DGKB: variants seen among roughly 807,000 people sequenced by gnomAD.
The protein encoded by DGKB is diacylglycerol kinase beta.
In DGKB, 67 loss-of-function variants were observed where a neutral mutation model predicts 114.3. That is an observed-to-expected ratio of 0.59 (90% CI 0.48 to 0.72). The LOEUF is 0.72. Among genes scored for constraint, DGKB ranks in the 30% least tolerant of loss-of-function variants. The pLI is 0.00. For synonymous variants in DGKB, 398 were observed against 323.1 expected (o/e 1.23, Z -2.49); for missense variants, 907 against 975.2 (o/e 0.93, Z 0.93).
chr7:14,915,393 G>A (rs1784195391), intron 1 of DGKB, among the ~76,000 whole-genome samples: 1 of 151,942 alleles, frequency 6.6e-6, no homozygotes, highest in Non-Finnish European at 1.5e-5. Context: ...CATAAGAAAA[G>A]GAAGAAAGAA....
intron 23 of DGKB, among the ~76,000 whole-genome samples, chr7:14,322,636 C>G (rs1290288874): frequency 6.6e-6 from 1 of 152,076 alleles, no homozygotes; most frequent in Non-Finnish European, 1.5e-5. Context: ...TTAAGACATT[C>G]TGATGTTTAA....
chr7:14,444,354 C>G (rs1830458933), intron 21 of DGKB, among the ~76,000 whole-genome samples: 1 of 151,356 alleles, frequency 6.6e-6, no homozygotes, highest in African/African-American at 2.4e-5. Flanking sequence ...GAGTTTTTTT[C>G]TTAGTAAATT....
chr7:14,777,167 C>T (rs1187259072), intron 2 of DGKB, among the ~76,000 whole-genome samples: 1 of 151,936 alleles, frequency 6.6e-6, no homozygotes. Context: ...ATGCCTGTAC[C>T]CCCGTTGTAT....
chr7:14,460,749 G>C (rs373142888), intron 21 of DGKB, among the ~76,000 whole-genome samples: 15 of 152,262 alleles, frequency 9.9e-5, no homozygotes, highest in African/African-American at 3.4e-4. Flanking sequence ...TCCAGACCAA[G>C]TGGACCTAAT....
At chr7:14,637,893 A>C (rs1811047096) in intron 13 of DGKB, among the ~76,000 whole-genome samples, 2 of 152,008 alleles carry the variant, frequency 1.3e-5, no homozygotes, top group South Asian at 4.1e-4. Context: ...AACTAAGAGT[A>C]ATTACTACCA....
At chr7:14,746,182 TAA>T (rs1225685689) in intron 4 of DGKB, among the ~76,000 whole-genome samples, 1 of 151,920 alleles carries the variant, frequency 6.6e-6, no homozygotes, top group Non-Finnish European at 1.5e-5. Flanking sequence ...CTACTAAAAA[TAA>T]AAAAATTAGC....
At chr7:14,815,792 G>A (rs1464903890) in intron 2 of DGKB, among the ~76,000 whole-genome samples, 1 of 152,152 alleles carries the variant, frequency 6.6e-6, no homozygotes, top group Non-Finnish European at 1.5e-5. Context: ...GAGGTCATGA[G>A]GAGGTCACAG....
At chr7:14,962,618 CTG>C (rs369017205) in intron 1 of DGKB, among the ~76,000 whole-genome samples, 57 of 140,484 alleles carry the variant, frequency 4.1e-4, no homozygotes, top group Middle Eastern at 3.5e-3. Flanking sequence ...ATAGCTATAG[CTG>C]TGTGTGTGTG....
chr7:14,653,540 G>A (rs1815085271), intron 13 of DGKB, among the ~76,000 whole-genome samples: 1 of 151,940 alleles, frequency 6.6e-6, no homozygotes. Flanking sequence ...AGCATCGGGA[G>A]ATATACCTAA....
chr7:14,889,922 G>A (rs769903792), intron 1 of DGKB, among the ~76,000 whole-genome samples: 5 of 151,446 alleles, frequency 3.3e-5, no homozygotes, highest in Non-Finnish European at 7.4e-5. Context: ...ATTGGCCTGG[G>A]ATAAATATAA....
intron 23 of DGKB, among the ~76,000 whole-genome samples, chr7:14,251,553 A>G (rs2128391499): frequency 6.6e-6 from 1 of 152,308 alleles, no homozygotes; most frequent in East Asian, 1.9e-4. Context: ...CTACAGTATT[A>G]GAGTCTGCTG....
chr7:14,295,843 T>G (rs1802451598), intron 23 of DGKB, among the ~76,000 whole-genome samples: 1 of 152,102 alleles, frequency 6.6e-6, no homozygotes, highest in Non-Finnish European at 1.5e-5. Flanking sequence ...CTTCTGATGC[T>G]ATCCCTACCC....
intron 20 of DGKB, among the ~76,000 whole-genome samples, chr7:14,510,788 C>T (rs1335285972): frequency 6.6e-6 from 1 of 152,148 alleles, no homozygotes; most frequent in Admixed American, 6.6e-5. Context: ...AAAATTACTC[C>T]TTGATCCATG....
intron 13 of DGKB, among the ~76,000 whole-genome samples, chr7:14,651,082 G>C (rs1381436676): frequency 6.6e-6 from 1 of 152,126 alleles, no homozygotes; most frequent in East Asian, 1.9e-4. Flanking sequence ...GGAGGAGCTG[G>C]TACCATTCCT....
chr7:14,168,006 T>C (rs1458163594), intron 25 of DGKB, among the ~76,000 whole-genome samples: 1 of 152,042 alleles, frequency 6.6e-6, no homozygotes, highest in African/African-American at 2.4e-5. Flanking sequence ...GATACAATTG[T>C]TGGAATTAAC....
At chr7:14,377,542 T>A (rs4721331) in intron 21 of DGKB, among the ~76,000 whole-genome samples, 88,370 of 152,022 alleles carry the variant, frequency 0.58, 26,108 homozygotes, top group East Asian at 0.65. Flanking sequence ...ATCATTCTTA[T>A]CTTCTAGGAC....
intron 20 of DGKB, among the ~76,000 whole-genome samples, chr7:14,488,393 C>G (rs759322269): frequency 5.9e-5 from 9 of 152,108 alleles, no homozygotes; most frequent in Non-Finnish European, 1.2e-4. Flanking sequence ...TATACACTTA[C>G]TATAACCACA....
chr7:14,228,402 T>A (rs752915077), intron 23 of DGKB, among the ~76,000 whole-genome samples: 5 of 152,052 alleles, frequency 3.3e-5, no homozygotes, highest in Non-Finnish European at 5.9e-5. Flanking sequence ...CTTTCTGAAG[T>A]GTCCTATCTA....
chr7:14,361,633 G>A (rs1386564589), intron 21 of DGKB, among the ~76,000 whole-genome samples: 1 of 151,922 alleles, frequency 6.6e-6, no homozygotes, highest in African/African-American at 2.4e-5. Context: ...TCAAGTACAT[G>A]TTAGATAATT....
Sources: gnomAD v4.1 joint callset for allele counts (sites outside exome capture counted in the v4.1 genomes callset) on GRCh38, gnomAD v4.1.1 for gene constraint, MANE v1.5 for transcripts, NCBI Gene and HGNC (gene_info 2026-07-23, HGNC 2026-07-21) for gene names.